ADGRV1: variants seen among roughly 807,000 people sequenced by gnomAD.
ADGRV1 encodes the protein adhesion G protein-coupled receptor V1, also known as G-protein coupled receptor 98.
In ADGRV1, 359 loss-of-function variants were observed where a neutral mutation model predicts 596.2. The ratio of observed to expected loss-of-function variants is 0.60; its 90% confidence interval spans 0.55 to 0.66. The LOEUF (loss-of-function observed/expected upper bound fraction) is 0.66. Ranked by LOEUF, ADGRV1 falls within the 30% of genes least tolerant of loss-of-function variation. The probability of loss-of-function intolerance (pLI) is 0.00; values close to 1 mark genes in which losing one functional copy is unlikely to be tolerated. For missense variants in ADGRV1, 7,274 were observed against 7,575.6 expected, an observed-to-expected ratio of 0.96 and a Z score of 1.48; for synonymous variants, 2,681 against 2,679.2, an observed-to-expected ratio of 1.00 and a Z score of -0.02.
At chr5:90,824,833 T>C (rs1199507227) in intron 76 of ADGRV1, among the ~76,000 whole-genome samples, 1 of 152,228 alleles carries the variant, frequency 6.6e-6, no homozygotes, top group Non-Finnish European at 1.5e-5. Flanking sequence ...GAACCTGTCA[T>C]GGTTAAGTGA....
intron 30 of ADGRV1, among the ~76,000 whole-genome samples, chr5:90,690,569 G>C (rs1403780953): frequency 1.3e-5 from 2 of 152,138 alleles, no homozygotes; most frequent in East Asian, 3.9e-4. Context: ...GTATAGACTT[G>C]AGCCCTATGG....
rs981584255 is a variant in ADGRV1, at chr5:90,608,070, ATAG to A, written c.23-6761_23-6759del. On this transcript the variant is annotated intron_variant, in intron 1 of 89. Transcript: ENST00000405460. The stretch of plus-strand genomic sequence containing the variant: ...TGAAAACGATAGCATAAATTTAAAA[ATAG>A]TAGGATAATTGAAATTTGATGATGA... Among the ~76,000 whole-genome samples the A allele has an allele frequency of 4.6e-5, 7 of 152,168 alleles. 1 individual carries two copies. Among genetic ancestry groups the A allele is most frequent in the African/African-American group, 9.7e-5 (4 of 41,444 alleles).
At chr5:90,887,581 GTTATTAC>G (rs1403584617) in intron 83 of ADGRV1, among the ~76,000 whole-genome samples, 14 of 152,110 alleles carry the variant, frequency 9.2e-5, no homozygotes, top group Non-Finnish European at 1.9e-4. Context: ...ATGCATATTT[GTTATTAC>G]TTATTAAAGT....
chr5:90,766,326 A>C (rs560538359), intron 59 of ADGRV1, among the ~76,000 whole-genome samples: 1 of 152,164 alleles, frequency 6.6e-6, no homozygotes, highest in African/African-American at 2.4e-5. Context: ...GGATGTCTGG[A>C]TATCATCCCC....
chr5:90,762,079 T>C (rs1261127276), intron 58 of ADGRV1, among the ~76,000 whole-genome samples: 1 of 152,210 alleles, frequency 6.6e-6, no homozygotes, highest in Non-Finnish European at 1.5e-5. Context: ...AAGGGCAATG[T>C]GGTTAAGTAT....
chr5:90,939,100 GT>G (rs1258040703), intron 83 of ADGRV1, among the ~76,000 whole-genome samples: 1 of 152,162 alleles, frequency 6.6e-6, no homozygotes, highest in Non-Finnish European at 1.5e-5. Flanking sequence ...AAAGGTGCCA[GT>G]TTTAGAAAAC....
Position 90,779,059 on chromosome 5 carries a change from A to G in ADGRV1, c.13044A>G (p.Glu4348=), listed in dbSNP as rs772912279. ...ATGACTATCCTGAAGGCCCAGAGGA[A>G]TTTTCTCTAACAATTACAAAGGTGG... is the stretch of plus-strand genomic sequence containing the variant. ...LDDDYPEGPE[E]FSLTITKVEL... Residue 4348 remains glutamate, a synonymous_variant, in exon 64 of 90, where the codon GAA becomes GAG. Coordinates refer to ENST00000405460, the MANE Select transcript of ADGRV1 (RefSeq NM_032119.4). 2.5e-6 allele frequency: 4 copies of G among 1,612,740 alleles called. No homozygotes were observed. Among genetic ancestry groups the G allele is most frequent in the African/African-American group, 2.7e-5 (2 of 74,868 alleles).
chr5:90,628,301 A>G (rs1165373734), intron 7 of ADGRV1, among the ~76,000 whole-genome samples: 1 of 151,128 alleles, frequency 6.6e-6, no homozygotes, highest in Non-Finnish European at 1.5e-5. Context: ...AGTCCCAGAT[A>G]CTTGGGAGGC....
At chr5:90,632,245 C>CA (rs1325530321) in intron 9 of ADGRV1, among the ~76,000 whole-genome samples, 1 of 152,076 alleles carries the variant, frequency 6.6e-6, no homozygotes, top group Non-Finnish European at 1.5e-5. Flanking sequence ...TGGAATGAGA[C>CA]AGAGATTTTT....
intron 78 of ADGRV1, among the ~76,000 whole-genome samples, chr5:90,843,377 A>T (rs963546777): frequency 6.6e-6 from 1 of 152,228 alleles, no homozygotes; most frequent in Admixed American, 6.5e-5. Context: ...TGAAAATTTT[A>T]TATGTGATAA....
At chr5:91,119,125 T>C (rs1793093078) in intron 87 of ADGRV1, among the ~76,000 whole-genome samples, 1 of 152,180 alleles carries the variant, frequency 6.6e-6, no homozygotes, top group Admixed American at 6.5e-5. Flanking sequence ...CAAACAAGTT[T>C]TTAAATCCAC....
chr5:90,729,575 T>G, intron 49 of ADGRV1, 67 bp from the exon 50 acceptor site: 1 of 1,177,248 alleles, frequency 8.5e-7, no homozygotes, highest in East Asian at 2.6e-5. Flanking sequence ...ATAGTTTTAT[T>G]ATGTAATTTT....
chr5:91,128,785 G>A (rs956413164), intron 87 of ADGRV1, among the ~76,000 whole-genome samples: 11 of 152,178 alleles, frequency 7.2e-5, no homozygotes, highest in African/African-American at 9.7e-5. Context: ...CCAATACTTA[G>A]CACTTGAATC....
chr5:91,035,861 T>TATATATA, intron 85 of ADGRV1, among the ~76,000 whole-genome samples: 1 of 96,400 alleles, frequency 1.0e-5, no homozygotes, highest in African/African-American at 3.8e-5. Context: ...TATATATATA[T>TATATATA]TATATATATA....
intron 59 of ADGRV1, among the ~76,000 whole-genome samples, chr5:90,772,899 G>A (rs1221675250): frequency 2.6e-5 from 4 of 152,176 alleles, no homozygotes; most frequent in Non-Finnish European, 4.4e-5. Flanking sequence ...GATAGCGGTG[G>A]CTCATGCCTG....
chr5:90,711,334 A>AATCT lies in ADGRV1; in HGVS notation c.9042+16_9042+19dup, dbSNP rs1274128153. Reference sequence around the variant, plus strand: ...TCTTCACCCCAATGGTGGGTCTCAAAATCTATCACAGATGACTTTTACAAA... The same window carrying AATCT: ...TCTTCACCCCAATGGTGGGTCTCAAAATCTATCTATCACAGATGACTTTTACAAA... On this transcript the variant is annotated intron_variant, in intron 41 of 89. Transcript: ENST00000405460. 1 of 1,580,742 alleles carries AATCT rather than the reference A, an allele frequency of 6.3e-7. No individual in the cohort carries two copies. Among genetic ancestry groups the AATCT allele is most frequent in the East Asian group, 2.3e-5 (1 of 44,318 alleles).
At chr5:90,977,653 T>C (rs1779726774) in intron 84 of ADGRV1, among the ~76,000 whole-genome samples, 1 of 152,218 alleles carries the variant, frequency 6.6e-6, no homozygotes, top group Non-Finnish European at 1.5e-5. Flanking sequence ...AAGATATGTC[T>C]TCAATTTTTC....
intron 21 of ADGRV1, among the ~76,000 whole-genome samples, chr5:90,660,153 C>T (rs1436560600): frequency 2.0e-5 from 3 of 151,984 alleles, no homozygotes; most frequent in Non-Finnish European, 1.5e-5. Context: ...AAATAATACC[C>T]CCTTATCACT....
intron 87 of ADGRV1, among the ~76,000 whole-genome samples, chr5:91,105,175 C>CT (rs1291182550): frequency 2.6e-5 from 4 of 152,108 alleles, no homozygotes; most frequent in East Asian, 1.9e-4. Context: ...AGCTGTCATT[C>CT]TTTTTTATGG....
Sources: allele counts gnomAD v4.1 joint callset (sites outside exome capture counted in the v4.1 genomes callset), GRCh38; gene constraint gnomAD v4.1.1; transcripts MANE v1.5; gene names NCBI Gene and HGNC (gene_info 2026-07-23, HGNC 2026-07-21).